Variants in PRRC2B observed in about 807,000 individuals in gnomAD.
The protein encoded by PRRC2B is protein PRRC2B.
A neutral mutation model predicts 242.3 loss-of-function variants in PRRC2B; 68 were observed. That is an observed-to-expected ratio of 0.28 (90% CI 0.23 to 0.34). The LOEUF (loss-of-function observed/expected upper bound fraction) is 0.34. PRRC2B is among the 10% of genes least tolerant of loss of function. PRRC2B has a pLI of 1.00. For missense variants in PRRC2B, 2,835 were observed against 2,954.8 expected (o/e 0.96, Z 0.94); for synonymous variants, 1,228 against 1,173.6 (o/e 1.05, Z -0.95).
rs563862585 is a variant in PRRC2B, at chr9:131,479,512, C to T, written c.4900+119C>T. The T allele has an allele frequency of 7.0e-6, 7 of 997,034 alleles. No homozygotes were observed. The South Asian group carries it at 1.2e-4, about 17-fold the overall frequency. The allele number at this position is 997,034 out of a possible 1,614,324, so 61.8% of individuals were successfully genotyped here. A position where few individuals can be genotyped will look rare whatever the true frequency, so the allele number is the denominator to read the frequency against. ...ATATAGATGGAATACAGATGGAGTA[C>T]CTGTTTGCTGTGTTCCGCTGCTGAG... On this transcript the variant is annotated intron_variant, in intron 19 of 31. Coordinates refer to ENST00000683519, the MANE Select transcript of PRRC2B (RefSeq NM_013318.4).
chr9:131,491,391 A>G (rs1564303307), intron 28 of PRRC2B, 34 bp from the exon 29 acceptor site: 3 of 1,553,358 alleles, frequency 1.9e-6, no homozygotes, highest in Non-Finnish European at 2.6e-6. Context: ...CCATAGCATC[A>G]TTCCCCCTCC....
intron 28 of PRRC2B, among the ~76,000 whole-genome samples, chr9:131,489,215 C>T (rs1013112060): frequency 2.2e-5 from 3 of 134,712 alleles, no homozygotes; most frequent in African/African-American, 8.7e-5. Flanking sequence ...GATGGAGTTT[C>T]GCTCTGTTGC....
intron 15 of PRRC2B, among the ~76,000 whole-genome samples, chr9:131,474,116 C>T (rs1456877978): frequency 6.6e-6 from 1 of 152,164 alleles, no homozygotes; most frequent in Non-Finnish European, 1.5e-5. Flanking sequence ...CCAGCTTGCT[C>T]TTGCTCTTTG....
chr9:131,459,167 C>A lies in PRRC2B; in HGVS notation c.1215C>A (p.Asn405Lys). The change falls in exon 11 of 32, where the codon AAC becomes AAA. Residue 405 changes from asparagine (N) to lysine (K), a missense_variant. Around this residue, in one of 7 missense-constraint regions of PRRC2B, gnomAD observed 626 missense variants for 685.5 expected, o/e 0.91. Coordinates refer to ENST00000683519, the MANE Select transcript of PRRC2B (RefSeq NM_013318.4). Reference sequence around the variant, plus strand: ...CATCAAATGTGGTTTGTCCTAGGAACAGTTGGGACCCTAGGAGGCAGCGGC... The same window carrying A: ...CATCAAATGTGGTTTGTCCTAGGAAAAGTTGGGACCCTAGGAGGCAGCGGC... ...EVVKDGRPKW[N>K]SWDPRRQRQL... 2 of 1,613,640 alleles carry A rather than the reference C, an allele frequency of 1.2e-6. No individual in the cohort carries two copies. The highest frequency in any genetic ancestry group is 1.7e-6 in the Non-Finnish European group (2 of 1,179,666).
chr9:131,484,638 A>G (rs1943963629), intron 23 of PRRC2B, 48 bp from the exon 24 acceptor site: 1 of 1,489,076 alleles, frequency 6.7e-7, no homozygotes, highest in South Asian at 1.3e-5. Flanking sequence ...GGGCAAAGCC[A>G]TCTCTGCACC....
intron 9 of PRRC2B, among the ~76,000 whole-genome samples, chr9:131,451,053 A>G (rs1425806952): frequency 2.0e-5 from 3 of 152,184 alleles, no homozygotes; most frequent in Admixed American, 6.5e-5. Context: ...TAGAAATGAC[A>G]TTGATTTTTA....
rs145897468 is a variant in PRRC2B at position 131,440,651 on chromosome 9, A to G, written c.469+1590A>G. 1.9e-3 allele frequency among the ~76,000 whole-genome samples: 297 copies of G among 152,346 alleles called. 1 individual carries two copies. Among genetic ancestry groups the G allele is most frequent in the African/African-American group, 6.8e-3 (283 of 41,578 alleles). On this transcript the variant is annotated intron_variant, in intron 5 of 31. Coordinates refer to ENST00000683519, the MANE Select transcript of PRRC2B (RefSeq NM_013318.4). ...TATTCACTGCAACATTATAATAGCA[A>G]AAGATTGCAAACAGTCCCTTGAAAT... is the stretch of plus-strand genomic sequence containing the variant.
In PRRC2B at chr9:131,416,114, C is replaced by CTTTTTTT. The variant is rs562809102; in HGVS notation, c.-51-13974_-51-13968dup. On this transcript the variant is annotated intron_variant, in intron 1 of 31. Transcript: ENST00000683519. Reference sequence around the variant, plus strand: ...ACCTCTTCTTCGTTTTCTTTTCTTTCTTTTTTTTTTTTAAGACAGTGTCTT... The same window carrying CTTTTTTT: ...ACCTCTTCTTCGTTTTCTTTTCTTTCTTTTTTTTTTTTTTTTTTTAAGACAGTGTCTT... Among the ~76,000 whole-genome samples, 502 of 145,296 alleles carry CTTTTTTT rather than the reference C, an allele frequency of 3.5e-3. 3 individuals carry two copies. The highest frequency in any genetic ancestry group is 0.012 in the African/African-American group (477 of 39,862).
intron 11 of PRRC2B, among the ~76,000 whole-genome samples, chr9:131,460,102 TCTTTA>T (rs1248028143): frequency 1.3e-5 from 2 of 152,134 alleles, no homozygotes; most frequent in African/African-American, 4.8e-5. Flanking sequence ...CTGATGAGAC[TCTTTA>T]CACTGTGGTA....
Position 131,470,811 on chromosome 9 carries a change from C to T in PRRC2B, c.1935C>T (p.His645=), listed in dbSNP as rs762521993. The T allele has an allele frequency of 2.5e-6, 4 of 1,612,718 alleles. No individual in the cohort carries two copies. In the South Asian group the frequency reaches 3.3e-5, roughly 13 times the overall value. The change falls in exon 14 of 32, where the codon CAC becomes CAT. Residue 645 remains histidine, a synonymous_variant. Coordinates refer to ENST00000683519, the MANE Select transcript of PRRC2B (RefSeq NM_013318.4). ...QQQEQLYKMQ[H]WQPVYPPPSH... Reference sequence around the variant, plus strand: ...AGGAGCAGCTGTACAAGATGCAGCACTGGCAGCCGGTGTACCCCCCGCCGT... The same window carrying T: ...AGGAGCAGCTGTACAAGATGCAGCATTGGCAGCCGGTGTACCCCCCGCCGT...
At chr9:131,379,823 A>G (rs1268073723) in intron 1 of PRRC2B, among the ~76,000 whole-genome samples, 6 of 150,756 alleles carry the variant, frequency 4.0e-5, no homozygotes, top group Non-Finnish European at 7.4e-5. Context: ...ACGGGGTTTC[A>G]CCATGTTGGC....
chr9:131,407,154 T>C (rs1837386669), intron 1 of PRRC2B, among the ~76,000 whole-genome samples: 1 of 152,184 alleles, frequency 6.6e-6, no homozygotes, highest in Non-Finnish European at 1.5e-5. Context: ...AGTTCAGCAG[T>C]GGCATAGACT....
chr9:131,455,233 C>A, intron 10 of PRRC2B, 67 bp downstream of exon 10: 1 of 1,137,270 alleles, frequency 8.8e-7, no homozygotes, highest in Non-Finnish European at 1.3e-6. Context: ...GTACCCAGAG[C>A]ATTTCCCAGT....
At chr9:131,396,325 CTTTTT>C (rs1165485887) in intron 1 of PRRC2B, among the ~76,000 whole-genome samples, 3,809 of 132,122 alleles carry the variant, frequency 0.029, 41 homozygotes, top group Middle Eastern at 0.073. Context: ...CTTTTCTTTT[CTTTTT>C]TTTTTTTTTT....
At position 131,446,720 on chromosome 9, in the gene PRRC2B, C is replaced by A; in HGVS notation, c.855+78C>A. 1 of 1,530,436 alleles carries A rather than the reference C, an allele frequency of 6.5e-7. No homozygotes were observed. 94.8% of individuals were successfully genotyped at this position (1,530,436 alleles called of 1,614,324 possible). ...GCAGATAGGTCAAGTGGTTGAATGT[C>A]CCCCTTGGGGTCTCCTCTTGGCCCT... On this transcript the variant is annotated intron_variant, in intron 7 of 31. Coordinates refer to ENST00000683519, the MANE Select transcript of PRRC2B (RefSeq NM_013318.4). The surrounding 1 kb of genome is among the most constrained non-coding windows in gnomAD (Gnocchi z 4.1).
chr9:131,395,832 A>G (rs571424893), intron 1 of PRRC2B, among the ~76,000 whole-genome samples: 1 of 152,326 alleles, frequency 6.6e-6, no homozygotes, highest in East Asian at 1.9e-4. Context: ...TCTAGAACTT[A>G]GTAGACCCGG....
At chr9:131,447,309 C>A in intron 8 of PRRC2B, 103 bp downstream of exon 8, 1 of 1,429,750 alleles carries the variant, frequency 7.0e-7, no homozygotes, top group Non-Finnish European at 9.5e-7. Context: ...TCCTGGAGAC[C>A]ACAGAGAACT....
intron 1 of PRRC2B, among the ~76,000 whole-genome samples, chr9:131,399,345 T>C (rs1347546410): frequency 1.4e-5 from 2 of 146,998 alleles, no homozygotes; most frequent in African/African-American, 5.1e-5. Context: ...TTTGGGAGGC[T>C]GAGGTGGGCG....
At chr9:131,456,243 TG>T (rs1943073282) in intron 10 of PRRC2B, among the ~76,000 whole-genome samples, 2 of 146,336 alleles carry the variant, frequency 1.4e-5, no homozygotes, top group Admixed American at 1.4e-4. Context: ...ATCATTTCCT[TG>T]GACTAGTTTA....
Sources: gnomAD v4.1 joint callset for allele counts (sites outside exome capture counted in the v4.1 genomes callset) on GRCh38, gnomAD v4.1.1 for gene constraint, gnomAD v4.1.1 regional missense constraint, Gnocchi (gnomAD v3.1) non-coding constraint, MANE v1.5 for transcripts, NCBI Gene and HGNC (gene_info 2026-07-23, HGNC 2026-07-21) for gene names.